DYNC1I1: variants seen among roughly 807,000 people sequenced by gnomAD.
DYNC1I1 encodes the protein dynein cytoplasmic 1 intermediate chain 1.
Under a neutral mutation model 86.6 loss-of-function variants are expected in DYNC1I1, and 43 were observed. The observed-to-expected ratio is 0.50, with a 90% confidence interval of 0.39 to 0.64. The LOEUF (loss-of-function observed/expected upper bound fraction) is 0.64, where lower values mean the gene tolerates loss of function less well. Ranked by LOEUF, DYNC1I1 falls within the 30% of genes least tolerant of loss-of-function variation. DYNC1I1 has a pLI of 0.00. For missense variants in DYNC1I1, 604 were observed against 788.8 expected, an observed-to-expected ratio of 0.77 and a Z score of 2.81; for synonymous variants, 262 against 283.7, an observed-to-expected ratio of 0.92 and a Z score of 0.77.
chr7:96,109,014 G>T (rs1457010391), intron 16 of DYNC1I1, among the ~76,000 whole-genome samples: 1 of 151,976 alleles, frequency 6.6e-6, no homozygotes, highest in African/African-American at 2.4e-5. Context: ...ATAAATTTGT[G>T]CATAACATTC....
intron 15 of DYNC1I1, among the ~76,000 whole-genome samples, chr7:96,077,283 G>A (rs892252968): frequency 6.6e-6 from 1 of 150,722 alleles, no homozygotes; most frequent in Admixed American, 6.6e-5. Context: ...GTGTGGGAGG[G>A]GGCAGGGAAA....
At chr7:96,054,455 A>T (rs1461507740) in intron 14 of DYNC1I1, among the ~76,000 whole-genome samples, 1 of 152,212 alleles carries the variant, frequency 6.6e-6, no homozygotes, top group Admixed American at 6.5e-5. Context: ...ATACATGTGC[A>T]TGTGTCTTAT....
intron 6 of DYNC1I1, among the ~76,000 whole-genome samples, chr7:95,877,314 C>T (rs927785246): frequency 2.6e-5 from 4 of 152,126 alleles, no homozygotes; most frequent in Admixed American, 6.5e-5. Context: ...GAACATGGGA[C>T]CCCAACTGTC....
chr7:95,987,713 G>A lies in DYNC1I1; in HGVS notation c.843+558G>A, dbSNP rs150523732. Reference sequence around the variant, plus strand: ...CACGAACAGCCTATTTATATCTCCCGCCCAATCTCCCTGCTGAATTTCACT... The same window carrying A: ...CACGAACAGCCTATTTATATCTCCCACCCAATCTCCCTGCTGAATTTCACT... On this transcript the variant is annotated intron_variant, in intron 9 of 16. Coordinates refer to ENST00000447467, the MANE Select transcript of DYNC1I1 (RefSeq NM_001135556.2). 9.9e-5 allele frequency among the ~76,000 whole-genome samples: 15 copies of A among 152,118 alleles called. No homozygotes were observed. In the East Asian group the frequency reaches 2.7e-3, roughly 27 times the overall value.
At chr7:95,957,509 C>G (rs1009542293) in intron 6 of DYNC1I1, among the ~76,000 whole-genome samples, 2 of 152,150 alleles carry the variant, frequency 1.3e-5, no homozygotes, top group African/African-American at 4.8e-5. Context: ...GTTGTTCGTC[C>G]TCCAGAAGCT....
At chr7:95,884,134 A>G (rs1790530004) in intron 6 of DYNC1I1, among the ~76,000 whole-genome samples, 1 of 152,204 alleles carries the variant, frequency 6.6e-6, no homozygotes, top group Admixed American at 6.5e-5. Flanking sequence ...TTCTGAAATG[A>G]CACTACTGAG....
At chr7:95,932,601 T>C (rs1791927445) in intron 6 of DYNC1I1, among the ~76,000 whole-genome samples, 1 of 152,194 alleles carries the variant, frequency 6.6e-6, no homozygotes, top group Non-Finnish European at 1.5e-5. Context: ...ATTAGAAACA[T>C]GAAACCATTG....
chr7:96,013,160 G>A (rs1460008421), intron 10 of DYNC1I1, among the ~76,000 whole-genome samples: 1 of 152,122 alleles, frequency 6.6e-6, no homozygotes, highest in Non-Finnish European at 1.5e-5. Flanking sequence ...GAGGCAAAGA[G>A]GGTCAGACTC....
At chr7:95,850,978 C>G (rs576897342) in intron 5 of DYNC1I1, among the ~76,000 whole-genome samples, 1 of 152,228 alleles carries the variant, frequency 6.6e-6, no homozygotes, top group East Asian at 1.9e-4. Flanking sequence ...GGGTCTCACT[C>G]TGTCACCCAG....
In DYNC1I1 at chr7:96,013,365, C is replaced by A. The variant is rs1192209444; in HGVS notation, c.970-14810C>A. ...AAAAAGAAACGTAGCACTGTCTACC[C>A]CTCGATTTTAGTCCTTCCAACCTCC... is the stretch of plus-strand genomic sequence containing the variant. On this transcript the variant is annotated intron_variant, in intron 10 of 16. Coordinates refer to ENST00000447467, the MANE Select transcript of DYNC1I1 (RefSeq NM_001135556.2). Among the ~76,000 whole-genome samples, 3 of 152,096 alleles carry A rather than the reference C, an allele frequency of 2.0e-5. No individual in the cohort carries two copies. In the South Asian group the frequency reaches 6.2e-4, roughly 32 times the overall value.
chr7:95,802,865 A>T (rs901258871), intron 1 of DYNC1I1: 1 of 152,152 alleles, frequency 6.6e-6, no homozygotes, highest in Non-Finnish European at 1.5e-5. Flanking sequence ...CTTGCACTCA[A>T]TCTGTCAGTT....
intron 4 of DYNC1I1, among the ~76,000 whole-genome samples, chr7:95,813,697 G>C (rs954759591): frequency 6.6e-6 from 1 of 151,944 alleles, no homozygotes; most frequent in Non-Finnish European, 1.5e-5. Flanking sequence ...CTTTGGTTTT[G>C]GTTTCCATGA....
intron 5 of DYNC1I1, among the ~76,000 whole-genome samples, chr7:95,860,050 G>C (rs998411791): frequency 6.6e-6 from 1 of 152,074 alleles, no homozygotes; most frequent in Non-Finnish European, 1.5e-5. Flanking sequence ...TTGCTCCATT[G>C]TTTTCCTTAG....
intron 6 of DYNC1I1, among the ~76,000 whole-genome samples, chr7:95,884,794 A>C (rs953630772): frequency 9.5e-6 from 1 of 104,902 alleles, no homozygotes; most frequent in Non-Finnish European, 1.9e-5. Context: ...AAAAAAAGAC[A>C]AAAAAAAAAA....
At chr7:95,984,788 C>T (rs1439421892) in intron 7 of DYNC1I1, 27 bp from the exon 8 acceptor site, 3 of 1,554,136 alleles carry the variant, frequency 1.9e-6, no homozygotes, top group Non-Finnish European at 2.6e-6. Flanking sequence ...CTAACAATCT[C>T]TTTTACAAAA....
At chr7:96,084,440 T>C (rs1183240460) in intron 16 of DYNC1I1, among the ~76,000 whole-genome samples, 4 of 129,770 alleles carry the variant, frequency 3.1e-5, no homozygotes, top group Non-Finnish European at 5.2e-5. Context: ...TTTTTTTCTT[T>C]TCTTTTTTTT....
intron 10 of DYNC1I1, among the ~76,000 whole-genome samples, chr7:96,021,380 A>G (rs914109416): frequency 1.3e-5 from 2 of 152,128 alleles, no homozygotes; most frequent in Admixed American, 6.5e-5. Flanking sequence ...ATGCTCAGGA[A>G]GAAGGAAAGA....
chr7:95,780,445 T>C (rs543086300), intron 1 of DYNC1I1, among the ~76,000 whole-genome samples: 4 of 149,760 alleles, frequency 2.7e-5, no homozygotes, highest in South Asian at 2.1e-4. Context: ...TTTTTTTTTT[T>C]TTTTTTGTAT....
At chr7:95,924,024 T>G (rs1419700980) in intron 6 of DYNC1I1, among the ~76,000 whole-genome samples, 1 of 152,056 alleles carries the variant, frequency 6.6e-6, no homozygotes, top group Non-Finnish European at 1.5e-5. Context: ...GGGTCATTGC[T>G]TTGTACTTTG....
Sources: allele counts gnomAD v4.1 joint callset (sites outside exome capture counted in the v4.1 genomes callset), GRCh38; gene constraint gnomAD v4.1.1; transcripts MANE v1.5; gene names NCBI Gene and HGNC (gene_info 2026-07-23, HGNC 2026-07-21).